Variants in CRB1 observed in about 807,000 individuals in gnomAD.
CRB1 encodes the protein protein crumbs homolog 1.
A neutral mutation model predicts 120.0 loss-of-function variants in CRB1; 83 were observed. The observed-to-expected ratio is 0.69, with a 90% CI of 0.58 to 0.83. CRB1 has a LOEUF of 0.83. Ranked by LOEUF, CRB1 falls within the 40% of genes least tolerant of loss-of-function variation. The pLI is 0.00. For missense variants in CRB1, 1,699 were observed against 1,687.6 expected (o/e 1.01, Z -0.12); for synonymous variants, 625 against 612.5 (o/e 1.02, Z -0.30).
At chr1:197,240,438 A>G in the CRB1 span, among the ~76,000 whole-genome samples, 4 of 151,470 alleles carry the variant, frequency 2.6e-5, no homozygotes, top group South Asian at 2.1e-4. Flanking sequence ...TTATTCTTCA[A>G]CTCCCATTTA....
rs1336257699 is a variant in CRB1 at position 197,470,022 on chromosome 1, A to G, written c.4006-7642A>G. 2.0e-5 allele frequency among the ~76,000 whole-genome samples: 3 copies of G among 152,282 alleles called. No homozygotes were observed. The East Asian group carries it at 5.8e-4, about 29-fold the overall frequency. ...CTTGCTGCTTCCGTTCCTCTGCAGG[A>G]CACATGGTGAGGTTTTTATTACGTA... On this transcript the variant is annotated intron_variant, in intron 11 of 11. Coordinates refer to ENST00000367400, the MANE Select transcript of CRB1 (RefSeq NM_201253.3).
chr1:197,343,225 G>T (rs1014917156), intron 2 of CRB1, among the ~76,000 whole-genome samples: 2 of 152,006 alleles, frequency 1.3e-5, no homozygotes, highest in Non-Finnish European at 2.9e-5. Context: ...TGAGTTTTTT[G>T]AAAGTCTTTT....
chr1:197,360,967 A>G (rs1660738389), intron 5 of CRB1, among the ~76,000 whole-genome samples: 1 of 152,228 alleles, frequency 6.6e-6, no homozygotes. Flanking sequence ...TTTTAATCAT[A>G]AATGGGTATT....
intron 5 of CRB1, among the ~76,000 whole-genome samples, chr1:197,410,111 A>T (rs1237262279): frequency 6.6e-6 from 1 of 152,176 alleles, no homozygotes; most frequent in African/African-American, 2.4e-5. Context: ...ATCCACTCAC[A>T]TTCATTTTCT....
chr1:197,235,007 C>G, the CRB1 span, among the ~76,000 whole-genome samples: 1 of 152,206 alleles, frequency 6.6e-6, no homozygotes, highest in Admixed American at 6.5e-5. Context: ...GAAAGTACAA[C>G]TAAGATAGCA....
the CRB1 span, among the ~76,000 whole-genome samples, chr1:197,245,361 A>G: frequency 2.0e-5 from 3 of 151,994 alleles, no homozygotes; most frequent in Non-Finnish European, 2.9e-5. Context: ...GCTGGGCACA[A>G]TGGTGTGCAT....
At chr1:197,366,917 T>G (rs1029388056) in intron 5 of CRB1, among the ~76,000 whole-genome samples, 2 of 152,056 alleles carry the variant, frequency 1.3e-5, no homozygotes, top group African/African-American at 4.8e-5. Context: ...CAAAATCATT[T>G]CAAAAAAAAA....
chr1:197,231,427 A>G, the CRB1 span, among the ~76,000 whole-genome samples: 99 of 152,260 alleles, frequency 6.5e-4, no homozygotes, highest in Non-Finnish European at 1.2e-3. Context: ...GTAGACATGA[A>G]ACTGGATTCT....
At chr1:197,362,249 G>A (rs969134731) in intron 5 of CRB1, among the ~76,000 whole-genome samples, 1 of 151,876 alleles carries the variant, frequency 6.6e-6, no homozygotes, top group African/African-American at 2.4e-5. Flanking sequence ...AATTTGTTGG[G>A]GTTTGTTTTT....
chr1:197,402,008 A>T (rs928778019), intron 5 of CRB1, among the ~76,000 whole-genome samples: 2 of 151,768 alleles, frequency 1.3e-5, no homozygotes, highest in Non-Finnish European at 1.5e-5. Flanking sequence ...ATCCACAGTT[A>T]ATTTTTATTA....
intron 1 of CRB1, among the ~76,000 whole-genome samples, chr1:197,273,272 A>G (rs1239223397): frequency 6.6e-6 from 1 of 152,076 alleles, no homozygotes; most frequent in Non-Finnish European, 1.5e-5. Context: ...GTTATGGGCT[A>G]TTGGAATGAA....
chr1:197,241,728 A>G, the CRB1 span, among the ~76,000 whole-genome samples: 5 of 151,694 alleles, frequency 3.3e-5, no homozygotes, highest in Non-Finnish European at 5.9e-5. Flanking sequence ...AATTCTCTGA[A>G]CAAAGTCAAC....
intron 11 of CRB1, among the ~76,000 whole-genome samples, chr1:197,472,211 C>T (rs996886786): frequency 6.6e-6 from 1 of 152,152 alleles, no homozygotes; most frequent in Non-Finnish European, 1.5e-5. Flanking sequence ...TTTAACTTTC[C>T]ATCTTAAACT....
intron 1 of CRB1, among the ~76,000 whole-genome samples, chr1:197,283,981 A>G (rs1655681584): frequency 6.6e-6 from 1 of 151,926 alleles, no homozygotes; most frequent in South Asian, 2.1e-4. Flanking sequence ...AAAATATTCA[A>G]GAAACGAAAG....
intron 5 of CRB1, 145 bp downstream of exon 5, chr1:197,357,158 A>AAC: frequency 1.3e-6 from 1 of 782,678 alleles, no homozygotes; most frequent in African/African-American, 1.7e-5. Context: ...GTGGGCATGA[A>AAC]AAGTATCTTG....
chr1:197,329,131 C>A, intron 2 of CRB1, 128 bp downstream of exon 2: 1 of 831,908 alleles, frequency 1.2e-6, no homozygotes, highest in Non-Finnish European at 2.0e-6. Flanking sequence ...AGGAATCAAT[C>A]ACTAGATAGA....
In CRB1 at chr1:197,477,880, G is replaced by A. The variant is rs776757972; in HGVS notation, c.*1G>A. On this transcript the variant is annotated 3_prime_UTR_variant, in exon 12 of 12. Coordinates refer to ENST00000367400, the MANE Select transcript of CRB1 (RefSeq NM_201253.3). ...CCCTGCAATGGAGAGACTGATTTAG[G>A]AGCATTGTGTCCCTTCGAGATGGGG... 4.3e-6 allele frequency: 7 copies of A among 1,613,490 alleles called. No homozygotes were observed. Among genetic ancestry groups the A allele is most frequent in the Non-Finnish European group, 5.9e-6 (7 of 1,179,680 alleles).
At chr1:197,405,123 C>T (rs971551704) in intron 5 of CRB1, among the ~76,000 whole-genome samples, 10 of 151,954 alleles carry the variant, frequency 6.6e-5, no homozygotes, top group South Asian at 2.1e-4. Flanking sequence ...CCTCTGATGC[C>T]GAGCCGAAGC....
intron 10 of CRB1, 101 bp downstream of exon 10, chr1:197,438,776 T>C: frequency 5.6e-6 from 8 of 1,430,576 alleles, no homozygotes; most frequent in South Asian, 1.2e-5. Context: ...TCAGTTCCCA[T>C]AGGAAAATCT....
Sources: gnomAD v4.1 joint callset for allele counts (sites outside exome capture counted in the v4.1 genomes callset) on GRCh38, gnomAD v4.1.1 for gene constraint, MANE v1.5 for transcripts, NCBI Gene and HGNC (gene_info 2026-07-23, HGNC 2026-07-21) for gene names.